The following CHSY1 variants were observed in gnomAD, a reference collection of about 807,000 sequenced individuals.
CHSY1 encodes the protein chondroitin sulfate synthase 1.
A neutral mutation model predicts 59.8 loss-of-function variants in CHSY1; 13 were observed. The observed-to-expected ratio is 0.22, with a 90% confidence interval of 0.14 to 0.35. The LOEUF (loss-of-function observed/expected upper bound fraction) is 0.35, where lower values mean the gene tolerates loss of function less well. Among genes scored for constraint, CHSY1 ranks in the 10% least tolerant of loss-of-function variants. The pLI, the probability that CHSY1 is intolerant of heterozygous loss-of-function variation, is 1.00. For missense variants in CHSY1, 947 were observed against 1,030.6 expected (o/e 0.92, Z 1.11); for synonymous variants, 459 against 401.2 (o/e 1.14, Z -1.72).
At chr15:101,251,010 C>A in intron 1 of CHSY1, 127 bp downstream of exon 1, 1 of 928,194 alleles carries the variant, frequency 1.1e-6, no homozygotes, top group Non-Finnish European at 1.6e-6. Context: ...CGAGAGGCAA[C>A]CCGATCCCGC....
intron 2 of CHSY1, among the ~76,000 whole-genome samples, chr15:101,182,802 T>G (rs1160767877): frequency 6.6e-6 from 1 of 152,212 alleles, no homozygotes; most frequent in Non-Finnish European, 1.5e-5. Flanking sequence ...AAGCCTCTGC[T>G]ACACAGCTCC....
intron 2 of CHSY1, among the ~76,000 whole-genome samples, chr15:101,218,459 G>A (rs922099839): frequency 6.6e-6 from 1 of 152,104 alleles, no homozygotes; most frequent in Non-Finnish European, 1.5e-5. Context: ...TTAGCCTGCT[G>A]TGGTGGTGTG....
intron 2 of CHSY1, chr15:101,189,363 A>G (rs1037291759): frequency 1.2e-6 from 1 of 803,858 alleles, no homozygotes; most frequent in Non-Finnish European, 1.5e-6. Flanking sequence ...ACGTGATATA[A>G]GCTCTAGTCT....
chr15:101,236,364 T>C (rs2038942511), intron 1 of CHSY1, among the ~76,000 whole-genome samples: 1 of 152,190 alleles, frequency 6.6e-6, no homozygotes, highest in Non-Finnish European at 1.5e-5. Flanking sequence ...CACACTGTTC[T>C]CATGGTCAGG....
At position 101,235,564 on chromosome 15, in the gene CHSY1, T is replaced by C; in HGVS notation, c.334A>G (p.Thr112Ala). ...AVAAYRTWSK[T>A]IPGKVQFFSS... ...AAGAACTGAACTTTCCCAGGAATTG[T>C]CTTGGACCATGTTCTGGAATTAAAA... Residue 112 changes from threonine (T) to alanine (A), a missense_variant, in exon 2 of 3, where the codon ACA becomes GCA. Coordinates refer to ENST00000254190, the MANE Select transcript of CHSY1 (RefSeq NM_014918.5). The C allele has an allele frequency of 1.2e-6, 2 of 1,610,328 alleles. No homozygotes were observed. Among genetic ancestry groups the C allele is most frequent in the African/African-American group, 1.3e-5 (1 of 75,022 alleles).
intron 2 of CHSY1, among the ~76,000 whole-genome samples, chr15:101,210,281 T>C (rs1394926220): frequency 1.3e-5 from 2 of 152,218 alleles, no homozygotes; most frequent in Non-Finnish European, 1.5e-5. Context: ...CAAAAGTGCT[T>C]AGCAGAAAAA....
chr15:101,225,551 T>C (rs906909108), intron 2 of CHSY1, among the ~76,000 whole-genome samples: 5 of 152,158 alleles, frequency 3.3e-5, no homozygotes, highest in African/African-American at 1.2e-4. Context: ...TCTGTGGTGC[T>C]GTCCTCCTAA....
intron 2 of CHSY1, among the ~76,000 whole-genome samples, chr15:101,181,428 G>T (rs1169036019): frequency 6.6e-6 from 1 of 152,202 alleles, no homozygotes; most frequent in Non-Finnish European, 1.5e-5. Context: ...TTTGTGGAAG[G>T]TCTCTCCATT....
At chr15:101,199,262 G>C (rs2038544118) in intron 2 of CHSY1, among the ~76,000 whole-genome samples, 1 of 152,196 alleles carries the variant, frequency 6.6e-6, no homozygotes, top group African/African-American at 2.4e-5. Flanking sequence ...CCTGCACTTT[G>C]GGAGGCCGAG....
Position 101,251,365 on chromosome 15 carries a change from G to A in CHSY1, c.92C>T (p.Ala31Val). Residue 31 changes from alanine (A) to valine (V), a missense_variant, in exon 1 of 3, where the codon GCT (alanine) becomes GTT (valine). This residue lies in a region of CHSY1 where 232 missense variants were observed against 188.5 expected (regional missense o/e 1.23). Coordinates refer to ENST00000254190, the MANE Select transcript of CHSY1 (RefSeq NM_014918.5). ...TGGGCCCGCTCGCTTCAGCTCGGAAGCCCGGGGCAGGACGAGCCGCGAGGC... is the reference window on the plus strand; with the variant it reads ...TGGGCCCGCTCGCTTCAGCTCGGAAACCCGGGGCAGGACGAGCCGCGAGGC... Reference protein sequence around the residue: ...VLASRLVLPRASELKRAGPRR... With the variant: ...VLASRLVLPRVSELKRAGPRR... 11 of 1,160,680 alleles carry A rather than the reference G, an allele frequency of 9.5e-6. No individual in the cohort carries two copies. Among genetic ancestry groups the A allele is most frequent in the Non-Finnish European group, 1.1e-5 (10 of 923,694 alleles). 71.9% of individuals were successfully genotyped at this position (1,160,680 alleles called of 1,614,324 possible). A position where few individuals can be genotyped will look rare whatever the true frequency, so the allele number is the denominator to read the frequency against.
At chr15:101,199,621 T>C (rs952064691) in intron 2 of CHSY1, among the ~76,000 whole-genome samples, 1 of 152,200 alleles carries the variant, frequency 6.6e-6, no homozygotes, top group African/African-American at 2.4e-5. Context: ...TGACATGTAT[T>C]TTACCAGTTA....
chr15:101,203,329 T>C (rs2038592286), intron 2 of CHSY1, among the ~76,000 whole-genome samples: 1 of 152,140 alleles, frequency 6.6e-6, no homozygotes, highest in South Asian at 2.1e-4. Context: ...TGCAGGAGGA[T>C]AGAGGAAAAG....
At chr15:101,189,073 C>G (rs754609064) in intron 2 of CHSY1, among the ~76,000 whole-genome samples, 1 of 152,222 alleles carries the variant, frequency 6.6e-6, no homozygotes. Context: ...CCGTGAAAGG[C>G]GCCGTACCAG....
At chr15:101,239,337 T>C (rs1406070360) in intron 1 of CHSY1, among the ~76,000 whole-genome samples, 2 of 152,172 alleles carry the variant, frequency 1.3e-5, no homozygotes, top group Non-Finnish European at 2.9e-5. Flanking sequence ...AACACTGTAA[T>C]GTTATTTGGG....
At chr15:101,248,282 T>C (rs745811541) in intron 1 of CHSY1, among the ~76,000 whole-genome samples, 8 of 152,194 alleles carry the variant, frequency 5.3e-5, no homozygotes, top group African/African-American at 1.9e-4. Flanking sequence ...TTATACCCTA[T>C]AACCTCCATC....
Position 101,210,306 on chromosome 15 carries a change from C to A in CHSY1, c.816+24776G>T, listed in dbSNP as rs536707277. 2.0e-5 allele frequency among the ~76,000 whole-genome samples: 3 copies of A among 152,216 alleles called. No homozygotes were observed. The South Asian group carries it at 6.2e-4, about 32-fold the overall frequency. On this transcript the variant is annotated intron_variant, in intron 2 of 2. Transcript: ENST00000254190. The stretch of plus-strand genomic sequence containing the variant: ...TAGCAGAAAAAGAGGCTGAAGGCAC[C>A]ATCACACCTTAAACATAAACCTCTT...
intron 2 of CHSY1, among the ~76,000 whole-genome samples, chr15:101,207,511 T>A (rs936723162): frequency 3.9e-5 from 6 of 152,230 alleles, no homozygotes; most frequent in African/African-American, 7.2e-5. Context: ...GCCTCTCTCA[T>A]ATGCTCTGTA....
intron 2 of CHSY1, among the ~76,000 whole-genome samples, chr15:101,230,556 T>A (rs8042989): frequency 0.45 from 68,973 of 151,826 alleles, 17,543 homozygotes; most frequent in African/African-American, 0.7. Context: ...GAATTTTTTT[T>A]AAAAAAAGAA....
chr15:101,181,976 ATGT>A (rs1346217306), intron 2 of CHSY1, among the ~76,000 whole-genome samples: 1 of 152,230 alleles, frequency 6.6e-6, no homozygotes. Context: ...AGAAAAGAAA[ATGT>A]TATTAAGAAA....
Sources: gnomAD v4.1 joint callset for allele counts (sites outside exome capture counted in the v4.1 genomes callset) on GRCh38, gnomAD v4.1.1 for gene constraint, gnomAD v4.1.1 regional missense constraint, MANE v1.5 for transcripts, NCBI Gene and HGNC (gene_info 2026-07-23, HGNC 2026-07-21) for gene names.